Variants in AGAP1 observed in about 807,000 individuals in gnomAD.
The protein encoded by AGAP1 is arf-GAP with GTPase, ANK repeat and PH domain-containing protein 1.
In AGAP1, 29 loss-of-function variants were observed where a neutral mutation model predicts 105.3. The observed-to-expected ratio is 0.28, with a 90% CI of 0.21 to 0.38. The LOEUF (loss-of-function observed/expected upper bound fraction) is 0.38. AGAP1 is among the 10% of genes least tolerant of loss of function. The pLI is 1.00. For synonymous variants in AGAP1, 509 were observed against 485.9 expected (o/e 1.05, Z -0.63); for missense variants, 998 against 1,165.1 (o/e 0.86, Z 2.09).
chr2:235,510,301 A>G (rs1040036223), intron 1 of AGAP1, among the ~76,000 whole-genome samples: 2 of 152,216 alleles, frequency 1.3e-5, no homozygotes, highest in Admixed American at 6.5e-5. Context: ...ACTGCAGTAA[A>G]GGACCCCTTC....
At chr2:235,641,125 C>T (rs1029634899) in intron 1 of AGAP1, among the ~76,000 whole-genome samples, 1 of 152,204 alleles carries the variant, frequency 6.6e-6, no homozygotes, top group Admixed American at 6.5e-5. Context: ...ACGCAAAGCA[C>T]ATGTCCTGCC....
At chr2:235,940,094 C>T (rs1019291594) in intron 12 of AGAP1, among the ~76,000 whole-genome samples, 1 of 152,238 alleles carries the variant, frequency 6.6e-6, no homozygotes, top group East Asian at 1.9e-4. Context: ...TCTATCCTCC[C>T]AGTAGTTCAA....
chr2:235,830,818 T>A lies in AGAP1; in HGVS notation c.1050+23487T>A, dbSNP rs1250662538. Among the ~76,000 whole-genome samples, 1 of 152,196 alleles carries A rather than the reference T, an allele frequency of 6.6e-6. No homozygotes were observed. Among genetic ancestry groups the A allele is most frequent in the East Asian group, 1.9e-4 (1 of 5,196 alleles). On this transcript the variant is annotated intron_variant, in intron 9 of 17. Transcript: ENST00000304032. This position sits in a 1 kb window ranked among gnomAD's most constrained non-coding sequence, Gnocchi z 5.5. ...TATTGGATGCTGTTGATAGCCTCATTCTTCTCAGGTCCACCTGTCGGTAGG... is the reference window on the plus strand; with the variant it reads ...TATTGGATGCTGTTGATAGCCTCATACTTCTCAGGTCCACCTGTCGGTAGG...
chr2:235,565,705 G>A (rs59657072), intron 1 of AGAP1, among the ~76,000 whole-genome samples: 2,600 of 152,198 alleles, frequency 0.017, 73 homozygotes, highest in African/African-American at 0.058. Flanking sequence ...CTGTCACCCG[G>A]GGTGGAGTGT....
rs1946117331 is a variant in AGAP1 at position 235,611,313 on chromosome 2, G to T, written c.164-97866G>T. On this transcript the variant is annotated intron_variant, in intron 1 of 17. Coordinates refer to ENST00000304032, the MANE Select transcript of AGAP1 (RefSeq NM_001037131.3). The surrounding 1 kb of genome is among the most constrained non-coding windows in gnomAD (Gnocchi z 5.0). ...AGATGAAGAGTCTCCCTTTCAGACTGCAAGCCCCTTGAGGTCAGGATGCTG... is the reference window on the plus strand; with the variant it reads ...AGATGAAGAGTCTCCCTTTCAGACTTCAAGCCCCTTGAGGTCAGGATGCTG... Among the ~76,000 whole-genome samples the T allele has an allele frequency of 6.6e-6, 1 of 152,210 alleles. No individual in the cohort carries two copies. Among genetic ancestry groups the T allele is most frequent in the Admixed American group, 6.5e-5 (1 of 15,278 alleles).
chr2:235,849,791 ACT>A lies in AGAP1; in HGVS notation c.1051-33551_1051-33550del, dbSNP rs575531768. On this transcript the variant is annotated intron_variant, in intron 9 of 17. Coordinates refer to ENST00000304032, the MANE Select transcript of AGAP1 (RefSeq NM_001037131.3). ...ATGGCCTTTCCCTGCTCCACCGTCCACTCTGCTTCCCGCCCCTGGAGGGGAGG... is the reference window on the plus strand; with the variant it reads ...ATGGCCTTTCCCTGCTCCACCGTCCACTGCTTCCCGCCCCTGGAGGGGAGG... 1.9e-3 allele frequency among the ~76,000 whole-genome samples: 285 copies of A among 151,678 alleles called. 1 individual carries two copies. The highest frequency in any genetic ancestry group is 6.6e-3 in the African/African-American group (271 of 41,316).
chr2:235,694,207 TG>T (rs1190386241), intron 1 of AGAP1, among the ~76,000 whole-genome samples: 1 of 149,442 alleles, frequency 6.7e-6, no homozygotes, highest in Non-Finnish European at 1.5e-5. Context: ...TGGCCAGGCA[TG>T]GTGGCTCACA....
rs1007424433 is a variant in AGAP1, at chr2:235,872,922, A to G, written c.1051-10423A>G. Among the ~76,000 whole-genome samples the G allele has an allele frequency of 5.3e-5, 8 of 152,108 alleles. No homozygotes were observed. The South Asian group carries it at 6.2e-4, about 12-fold the overall frequency. ...TTGCCACATGTGAGAAGACCTCTCA[A>G]TGGGGCTTTTGTGGTGGCTCCACGG... is the stretch of plus-strand genomic sequence containing the variant. On this transcript the variant is annotated intron_variant, in intron 9 of 17. Transcript: ENST00000304032. This position sits in a 1 kb window ranked among gnomAD's most constrained non-coding sequence, Gnocchi z 4.5.
Position 235,573,033 on chromosome 2 carries a change from CTT to C in AGAP1, c.163+78185_163+78186del, listed in dbSNP as rs1414766131. Among the ~76,000 whole-genome samples, 39 of 22,346 alleles carry C rather than the reference CTT, an allele frequency of 1.7e-3. 4 individuals are homozygous for C. The South Asian group carries it at 0.018, about 10-fold the overall frequency. The allele number at this position is 22,346 out of a possible 152,430, so 14.7% of individuals were successfully genotyped here. A position where few individuals can be genotyped will look rare whatever the true frequency, so the allele number is the denominator to read the frequency against. On this transcript the variant is annotated intron_variant, in intron 1 of 17. Coordinates refer to ENST00000304032, the MANE Select transcript of AGAP1 (RefSeq NM_001037131.3). ...TCTTCTTCTTCTTCTTCTTCTTCTT[CTT>C]CTTCTTCTTCTTCTTCTTCTTCTTC...
rs1408094727 is a variant in AGAP1, at chr2:235,517,090, G to A, written c.163+22241G>A. Reference sequence around the variant, plus strand: ...CCCAAACGTATTTTCTCACAGTTCTGGAGGTTGAGAGTCCATGATCAAGGC... The same window carrying A: ...CCCAAACGTATTTTCTCACAGTTCTAGAGGTTGAGAGTCCATGATCAAGGC... On this transcript the variant is annotated intron_variant, in intron 1 of 17. Transcript: ENST00000304032. This position sits in a 1 kb window ranked among gnomAD's most constrained non-coding sequence, Gnocchi z 4.1. Among the ~76,000 whole-genome samples, 5 of 152,172 alleles carry A rather than the reference G, an allele frequency of 3.3e-5. No individual in the cohort carries two copies. The highest frequency in any genetic ancestry group is 9.7e-5 in the African/African-American group (4 of 41,446).
rs114380816 is a variant in AGAP1, at chr2:235,612,272, G to T, written c.164-96907G>T. Among the ~76,000 whole-genome samples the T allele has an allele frequency of 6.6e-6, 1 of 152,172 alleles. No homozygotes were observed. The highest frequency in any genetic ancestry group is 1.5e-5 in the Non-Finnish European group (1 of 68,040). On this transcript the variant is annotated intron_variant, in intron 1 of 17. Transcript: ENST00000304032. This position sits in a 1 kb window ranked among gnomAD's most constrained non-coding sequence, Gnocchi z 4.3. ...TACACCAGCACCTTTCATCTCAGGG[G>T]TGCTTGTGAATTGATTGCACCCCTC...
At position 235,715,109 on chromosome 2, in the gene AGAP1, T is replaced by C. The variant is rs1430188210; in HGVS notation, c.223-2448T>C. Among the ~76,000 whole-genome samples, 3 of 152,224 alleles carry C rather than the reference T, an allele frequency of 2.0e-5. No homozygotes were observed. In the South Asian group the frequency reaches 6.2e-4, roughly 32 times the overall value. On this transcript the variant is annotated intron_variant, in intron 2 of 17. Coordinates refer to ENST00000304032, the MANE Select transcript of AGAP1 (RefSeq NM_001037131.3). ...ACCGTGCCCAGCCCTGTGTTTGTTC[T>C]TAATAGCTATTGGCTTCATCATCTA...
rs766438698 is a variant in AGAP1, at chr2:235,988,871, C to G, written c.1645+20248C>G. 7.2e-5 allele frequency among the ~76,000 whole-genome samples: 11 copies of G among 152,142 alleles called. No individual in the cohort carries two copies. The highest frequency in any genetic ancestry group is 2.7e-4 in the African/African-American group (11 of 41,438). On this transcript the variant is annotated intron_variant, in intron 13 of 17. Coordinates refer to ENST00000304032, the MANE Select transcript of AGAP1 (RefSeq NM_001037131.3). The surrounding 1 kb of genome is among the most constrained non-coding windows in gnomAD (Gnocchi z 4.7). ...TTGACTCTCATCACTCACATGGTCC[C>G]CCAGCAGGTAACTTGCTTCAGCGCC... is the stretch of plus-strand genomic sequence containing the variant.
At position 235,745,705 on chromosome 2, in the gene AGAP1, G is replaced by T. The variant is rs141456807; in HGVS notation, c.538+866G>T. On this transcript the variant is annotated intron_variant, in intron 5 of 17. Coordinates refer to ENST00000304032, the MANE Select transcript of AGAP1 (RefSeq NM_001037131.3). ...GCCCATCCATGCTCTGATGTGAGAC[G>T]CTTCTCTTTAGGACGTCAGCTGTAC... Among the ~76,000 whole-genome samples the T allele has an allele frequency of 4.1e-3, 626 of 152,306 alleles. 3 individuals are homozygous for T. Among genetic ancestry groups the T allele is most frequent in the African/African-American group, 0.014 (589 of 41,564 alleles).
chr2:235,916,452 T>G (rs2051889895), intron 11 of AGAP1, among the ~76,000 whole-genome samples: 1 of 152,242 alleles, frequency 6.6e-6, no homozygotes, highest in African/African-American at 2.4e-5. Context: ...TGAAGCTGTA[T>G]CCACATGTAA....
chr2:235,987,877 G>A (rs1453117), intron 13 of AGAP1, among the ~76,000 whole-genome samples: 85,705 of 151,958 alleles, frequency 0.56, 24,258 homozygotes, highest in South Asian at 0.68. Flanking sequence ...CCGTTCATGC[G>A]TAATACGGAA....
Position 235,639,227 on chromosome 2 carries a change from T to C in AGAP1, c.164-69952T>C, listed in dbSNP as rs1000481458. 6.6e-6 allele frequency among the ~76,000 whole-genome samples: 1 copy of C among 152,094 alleles called. No homozygotes were observed. Among genetic ancestry groups the C allele is most frequent in the Non-Finnish European group, 1.5e-5 (1 of 67,994 alleles). ...AGCTTTGGCCATGCTGTTGTGAGTCTGTGGTTCCCAGGGAGCAGCTGAGTA... is the reference window on the plus strand; with the variant it reads ...AGCTTTGGCCATGCTGTTGTGAGTCCGTGGTTCCCAGGGAGCAGCTGAGTA... On this transcript the variant is annotated intron_variant, in intron 1 of 17. Transcript: ENST00000304032. The surrounding 1 kb of genome is among the most constrained non-coding windows in gnomAD (Gnocchi z 5.3).
At chr2:235,673,127 T>C (rs891959547) in intron 1 of AGAP1, among the ~76,000 whole-genome samples, 1 of 152,264 alleles carries the variant, frequency 6.6e-6, no homozygotes, top group Non-Finnish European at 1.5e-5. Context: ...TGCCTTTGGC[T>C]AAAATGTCTG....
chr2:235,735,891 C>G (rs1014244451), intron 3 of AGAP1, among the ~76,000 whole-genome samples: 1 of 152,058 alleles, frequency 6.6e-6, no homozygotes, highest in Middle Eastern at 3.4e-3. Context: ...AAGATGGGAC[C>G]GCTGTATCCC....
Sources: allele counts gnomAD v4.1 joint callset (sites outside exome capture counted in the v4.1 genomes callset), GRCh38; gene constraint gnomAD v4.1.1; non-coding constraint Gnocchi (gnomAD v3.1); transcripts MANE v1.5; gene names NCBI Gene and HGNC (gene_info 2026-07-23, HGNC 2026-07-21).